USP31: variants seen among roughly 807,000 people sequenced by gnomAD.
USP31 encodes the protein ubiquitin specific peptidase 31, also known as ubiquitin carboxyl-terminal hydrolase 31.
In USP31, 44 loss-of-function variants were observed where a neutral mutation model predicts 119.4. That is an observed-to-expected ratio of 0.37 (90% CI 0.29 to 0.47). The LOEUF (loss-of-function observed/expected upper bound fraction) is 0.47. Among genes scored for constraint, USP31 ranks in the 20% least tolerant of loss-of-function variants. The pLI, the probability that USP31 is intolerant of heterozygous loss-of-function variation, is 0.99. For missense variants in USP31, 1,643 were observed against 1,730.2 expected (o/e 0.95, Z 0.89); for synonymous variants, 749 against 705.6 (o/e 1.06, Z -0.97).
intron 1 of USP31, among the ~76,000 whole-genome samples, chr16:23,140,523 C>T (rs950735584): frequency 6.6e-6 from 1 of 152,188 alleles, no homozygotes; most frequent in African/African-American, 2.4e-5. Context: ...TATATCTATA[C>T]CTCTGCTCAG....
Position 23,087,787 on chromosome 16 carries a change from G to A in USP31, c.1464C>T (p.Asp488=). Residue 488 remains aspartate (D), a synonymous_variant, in exon 8 of 16, where the codon GAC becomes GAT. Coordinates refer to ENST00000219689, the MANE Select transcript of USP31 (RefSeq NM_020718.4). ...TCTCCAAGATTTCCTTCTGCAGAAG[G>A]TCCCAAGCTATTGTCTTCTCTAAGT... The part of the protein sequence containing the change: ...VLHLEKTIAW[D]LLQKEILEKM... 6.2e-7 allele frequency: 1 copy of A among 1,614,034 alleles called. No homozygotes were observed. Among genetic ancestry groups the A allele is most frequent in the Non-Finnish European group, 8.5e-7 (1 of 1,180,028 alleles).
intron 1 of USP31, among the ~76,000 whole-genome samples, chr16:23,123,545 T>C (rs897264815): frequency 1.3e-5 from 2 of 151,464 alleles, no homozygotes; most frequent in Non-Finnish European, 2.9e-5. Flanking sequence ...CTCAAATAAA[T>C]AAATAAATAA....
Position 23,066,807 on chromosome 16 carries a change from C to A in USP31, c.*1239G>T, listed in dbSNP as rs904238558. On this transcript the variant is annotated 3_prime_UTR_variant, in exon 16 of 16. Coordinates refer to ENST00000219689, the MANE Select transcript of USP31 (RefSeq NM_020718.4). ...GAAATGCAATTTGCACTGACACGGC[C>A]AGATGGAACACACTCCAAAACCTGC... is the stretch of plus-strand genomic sequence containing the variant. 2.0e-5 allele frequency: 3 copies of A among 152,070 alleles called. No homozygotes were observed. Among genetic ancestry groups the A allele is most frequent in the Non-Finnish European group, 4.4e-5 (3 of 68,020 alleles). The allele number at this position is 152,070 out of a possible 1,614,324, so 9.4% of individuals were successfully genotyped here. A position where few individuals can be genotyped will look rare whatever the true frequency, so the allele number is the denominator to read the frequency against.
rs955488388 is a variant in USP31 at position 23,063,012 on chromosome 16, T to A, written c.*5034A>T. On this transcript the variant is annotated 3_prime_UTR_variant, in exon 16 of 16. Coordinates refer to ENST00000219689, the MANE Select transcript of USP31 (RefSeq NM_020718.4). The stretch of plus-strand genomic sequence containing the variant: ...AACACCCAGAAGCTTTTAAAATACA[T>A]GGTAATTCCTGGATCCCACCCCTAC... 3.3e-5 allele frequency: 5 copies of A among 152,514 alleles called. No homozygotes were observed. Among genetic ancestry groups the A allele is most frequent in the Middle Eastern group, 3.2e-3 (1 of 316 alleles). The allele number at this position is 152,514 out of a possible 1,614,324, so 9.4% of individuals were successfully genotyped here.
chr16:23,085,634 T>G lies in USP31; in HGVS notation c.1651A>C (p.Thr551Pro). The G allele has an allele frequency of 6.2e-7, 1 of 1,614,066 alleles. No individual in the cohort carries two copies. Among genetic ancestry groups the G allele is most frequent in the South Asian group, 1.1e-5 (1 of 91,056 alleles). Reference sequence around the variant, plus strand: ...TCGACTACTAATTTCACATGAGCAGTGCCACCTGGTCCACAAGATTTTAAT... The same window carrying G: ...TCGACTACTAATTTCACATGAGCAGGGCCACCTGGTCCACAAGATTTTAAT... ...RALKSCGPGG[T>P]AHVKLVVEWD... The change falls in exon 10 of 16, where the codon ACT (threonine) becomes CCT (proline). Residue 551 changes from threonine to proline, a missense_variant. By Grantham distance (38) the Thr-to-Pro change is conservative. Transcript: ENST00000219689.
rs918369257 is a variant in USP31, at chr16:23,138,133, T to C, written c.633+10505A>G. ...CCTGCAAATGTGTAAAGAACCAAAC[T>C]AGGTCAAATCAGAATGACAGATTTA... On this transcript the variant is annotated intron_variant, in intron 1 of 15. Coordinates refer to ENST00000219689, the MANE Select transcript of USP31 (RefSeq NM_020718.4). Among the ~76,000 whole-genome samples, 14 of 152,288 alleles carry C rather than the reference T, an allele frequency of 9.2e-5. No individual in the cohort carries two copies. In the East Asian group the frequency reaches 9.7e-4, roughly 11 times the overall value.
chr16:23,101,776 T>C (rs1901875396), intron 6 of USP31, among the ~76,000 whole-genome samples: 1 of 151,856 alleles, frequency 6.6e-6, no homozygotes, highest in Non-Finnish European at 1.5e-5. Flanking sequence ...ACCCTGTAAC[T>C]CCAGGCACAG....
At chr16:23,121,292 C>T (rs1902660508) in intron 1 of USP31, among the ~76,000 whole-genome samples, 1 of 152,166 alleles carries the variant, frequency 6.6e-6, no homozygotes, top group African/African-American at 2.4e-5. Context: ...ACAGGCAAGC[C>T]AGGCTGACTC....
At position 23,082,434 on chromosome 16, in the gene USP31, A is replaced by C. The variant is rs1900873209; in HGVS notation, c.1950+4T>G. The C allele has an allele frequency of 6.2e-7, 1 of 1,613,796 alleles. No individual in the cohort carries two copies. The highest frequency in any genetic ancestry group is 8.5e-7 in the Non-Finnish European group (1 of 1,179,826). On this transcript the variant is annotated splice_donor_region_variant and intron_variant, in intron 12 of 15. Coordinates refer to ENST00000219689, the MANE Select transcript of USP31 (RefSeq NM_020718.4). ...TTGTTCCTGAGGATAAAGGATTTCC[A>C]TACCTGCCGAAATCTCTTTAGATGT...
At chr16:23,086,733 G>A (rs1263459481) in intron 9 of USP31, among the ~76,000 whole-genome samples, 1 of 152,164 alleles carries the variant, frequency 6.6e-6, no homozygotes, top group Non-Finnish European at 1.5e-5. Flanking sequence ...GTGGAACACG[G>A]GCTTTATTTT....
At position 23,077,866 on chromosome 16, in the gene USP31, T is replaced by C. The variant is rs1444352659; in HGVS notation, c.2176+2080A>G. ...TTTCCAAGACTCAATCTCAAGGAAATACAGAATTAAAATTCAAAAAAAGTG... is the reference window on the plus strand; with the variant it reads ...TTTCCAAGACTCAATCTCAAGGAAACACAGAATTAAAATTCAAAAAAAGTG... On this transcript the variant is annotated intron_variant, in intron 13 of 15. Coordinates refer to ENST00000219689, the MANE Select transcript of USP31 (RefSeq NM_020718.4). Among the ~76,000 whole-genome samples the C allele has an allele frequency of 2.0e-5, 3 of 152,064 alleles. No homozygotes were observed. The East Asian group carries it at 5.8e-4, about 29-fold the overall frequency.
At chr16:23,088,168 A>T (rs972912346) in intron 7 of USP31, among the ~76,000 whole-genome samples, 4 of 152,150 alleles carry the variant, frequency 2.6e-5, no homozygotes, top group Non-Finnish European at 4.4e-5. Flanking sequence ...GGTCGAACTC[A>T]TAAGAGGTTG....
intron 2 of USP31, among the ~76,000 whole-genome samples, chr16:23,107,244 CAATT>C (rs1902147190): frequency 6.6e-6 from 1 of 152,172 alleles, no homozygotes; most frequent in Non-Finnish European, 1.5e-5. Context: ...CTCCGCCTAA[CAATT>C]AGTTACTGAG....
intron 6 of USP31, among the ~76,000 whole-genome samples, chr16:23,099,098 T>G (rs1901738792): frequency 6.6e-6 from 1 of 152,022 alleles, no homozygotes; most frequent in South Asian, 2.1e-4. Context: ...ATATCCAGAA[T>G]CTATAAAGAA....
intron 1 of USP31, among the ~76,000 whole-genome samples, chr16:23,113,666 C>T (rs138066619): frequency 6.6e-6 from 1 of 152,278 alleles, no homozygotes; most frequent in African/African-American, 2.4e-5. Context: ...GTTTGAATGA[C>T]TGCCAGAGAT....
intron 6 of USP31, 54 bp from the exon 7 acceptor site, chr16:23,090,858 C>T: frequency 7.2e-7 from 1 of 1,384,404 alleles, no homozygotes; most frequent in South Asian, 2.1e-5. Flanking sequence ...TTTTTATTCA[C>T]TCGTTATGAA....
intron 15 of USP31, 39 bp downstream of exon 15, chr16:23,072,006 T>C (rs755303349): frequency 6.3e-7 from 1 of 1,586,780 alleles, no homozygotes; most frequent in Non-Finnish European, 8.6e-7. Context: ...TGTCTGTGAG[T>C]TACCATTCTG....
At chr16:23,117,767 T>TTG (rs1204926997) in intron 1 of USP31, among the ~76,000 whole-genome samples, 1 of 151,564 alleles carries the variant, frequency 6.6e-6, no homozygotes. Context: ...TTTTTTGTTG[T>TTG]TGTTGTTGTT....
At position 23,068,133 on chromosome 16, in the gene USP31, C is replaced by T. The variant is rs372832840; in HGVS notation, c.3972G>A (p.Pro1324=). The change falls in exon 16 of 16, where the codon CCG becomes CCA. Residue 1324 remains proline, a synonymous_variant. Coordinates refer to ENST00000219689, the MANE Select transcript of USP31 (RefSeq NM_020718.4). ...ATTTCTCTGCAGACTGCCTGCCACC[C>T]GGAGACGAGGGAACTCCAGAGTCTA... ...SQLDSGVPSS[P]GGRQSAEKSS... is the part of the protein sequence containing the mutation. The T allele has an allele frequency of 1.7e-5, 28 of 1,614,040 alleles. No homozygotes were observed. Among genetic ancestry groups the T allele is most frequent in the South Asian group, 3.3e-5 (3 of 91,088 alleles).
Sources: allele counts gnomAD v4.1 joint callset (sites outside exome capture counted in the v4.1 genomes callset), GRCh38; gene constraint gnomAD v4.1.1; transcripts MANE v1.5; gene names NCBI Gene and HGNC (gene_info 2026-07-23, HGNC 2026-07-21).